The following ITPR1 variants were observed in gnomAD, a reference collection of about 807,000 sequenced individuals.
ITPR1 encodes the protein inositol 1,4,5-trisphosphate receptor type 1.
A neutral mutation model predicts 318.4 loss-of-function variants in ITPR1; 96 were observed. That is an observed-to-expected ratio of 0.30 (90% CI 0.26 to 0.36). The LOEUF (loss-of-function observed/expected upper bound fraction) is 0.36, where lower values mean the gene tolerates loss of function less well. Among genes scored for constraint, ITPR1 ranks in the 10% least tolerant of loss-of-function variants. The probability of loss-of-function intolerance (pLI) is 1.00; values close to 1 mark genes in which losing one functional copy is unlikely to be tolerated. For synonymous variants in ITPR1, 1,312 were observed against 1,289.9 expected (o/e 1.02, Z -0.37); for missense variants, 2,440 against 3,460.2 (o/e 0.71, Z 7.40).
At chr3:4,808,559 T>C (rs927615928) in intron 55 of ITPR1, among the ~76,000 whole-genome samples, 3 of 152,248 alleles carry the variant, frequency 2.0e-5, no homozygotes, top group African/African-American at 7.2e-5. Flanking sequence ...CTGCCTCTCC[T>C]GTGCTTTGCG....
intron 44 of ITPR1, among the ~76,000 whole-genome samples, chr3:4,743,320 AATTCAAAAGTCGTTAC>A (rs1034026144): frequency 1.3e-5 from 2 of 152,222 alleles, no homozygotes; most frequent in Non-Finnish European, 2.9e-5. Context: ...GGAAGCTCAA[AATTCAAAAGTCGTTAC>A]ATTCTTAGGC....
At chr3:4,793,264 C>T (rs1423454649) in intron 52 of ITPR1, among the ~76,000 whole-genome samples, 1 of 152,212 alleles carries the variant, frequency 6.6e-6, no homozygotes, top group Non-Finnish European at 1.5e-5. Context: ...ATTAGCGTAT[C>T]CTGCAGTACA....
chr3:4,635,418 G>A (rs1308118202), intron 5 of ITPR1, among the ~76,000 whole-genome samples: 1 of 152,120 alleles, frequency 6.6e-6, no homozygotes, highest in Non-Finnish European at 1.5e-5. Context: ...TCGGCTCACT[G>A]CAAGCTCCAC....
At chr3:4,580,755 C>T (rs928724510) in intron 4 of ITPR1, among the ~76,000 whole-genome samples, 1 of 152,214 alleles carries the variant, frequency 6.6e-6, no homozygotes, top group African/African-American at 2.4e-5. Context: ...AGAGGCTGTA[C>T]TGAGCATGCC....
rs1163810258 is a variant in ITPR1, at chr3:4,630,494, T to C, written c.279+2616T>C. 2.6e-5 allele frequency among the ~76,000 whole-genome samples: 4 copies of C among 151,414 alleles called. No individual in the cohort carries two copies. In the East Asian group the frequency reaches 7.8e-4, roughly 29 times the overall value. Reference sequence around the variant, plus strand: ...TCTCTGTTCAAATGCCCATAATCTATTCCTGCAATACACTTTTTCTTATAT... The same window carrying C: ...TCTCTGTTCAAATGCCCATAATCTACTCCTGCAATACACTTTTTCTTATAT... On this transcript the variant is annotated intron_variant, in intron 5 of 61. Transcript: ENST00000649015.
chr3:4,652,287 G>A (rs1042025075), intron 11 of ITPR1, 69 bp downstream of exon 11: 47 of 1,094,358 alleles, frequency 4.3e-5, no homozygotes, highest in Non-Finnish European at 5.9e-5. Flanking sequence ...TCATTCGCCT[G>A]TAGCCGTCGT....
At chr3:4,795,003 G>T in intron 52 of ITPR1, 62 bp from the exon 53 acceptor site, 2 of 1,511,142 alleles carry the variant, frequency 1.3e-6, no homozygotes, top group Middle Eastern at 2.2e-4. Context: ...GGGCCACATT[G>T]CATTCCTGGC....
At chr3:4,667,590 C>A (rs1298230172) in intron 18 of ITPR1, 41 bp downstream of exon 18, 2 of 1,558,792 alleles carry the variant, frequency 1.3e-6, no homozygotes, top group Non-Finnish European at 1.7e-6. Flanking sequence ...GTGTCTCTGC[C>A]TGTAAGATGC....
chr3:4,815,291 G>C, intron 59 of ITPR1, 73 bp downstream of exon 59: 1 of 1,481,402 alleles, frequency 6.8e-7, no homozygotes, highest in Non-Finnish European at 9.3e-7. Flanking sequence ...TACTGCGAGG[G>C]TGTGATGGGC....
chr3:4,822,525 T>C (rs1273938179), intron 60 of ITPR1, among the ~76,000 whole-genome samples: 1 of 152,236 alleles, frequency 6.6e-6, no homozygotes, highest in Non-Finnish European at 1.5e-5. Flanking sequence ...TCACAGATAC[T>C]TGTGAGTTCT....
At position 4,642,077 on chromosome 3, in the gene ITPR1, C is replaced by A; in HGVS notation, c.367-16C>A. The A allele has an allele frequency of 6.4e-7, 1 of 1,565,806 alleles. No individual in the cohort carries two copies. The highest frequency in any genetic ancestry group is 8.6e-7 in the Non-Finnish European group (1 of 1,157,028). On this transcript the variant is annotated splice_polypyrimidine_tract_variant and intron_variant, in intron 6 of 61. Coordinates refer to ENST00000649015, the MANE Select transcript of ITPR1 (RefSeq NM_001378452.1). ...GATTTGCTGACACTCACTTTATTCT[C>A]TTGGTGGGTTTTTAGCTCCTGCATT...
chr3:4,538,506 G>C (rs1182686044), intron 4 of ITPR1, among the ~76,000 whole-genome samples: 2 of 152,154 alleles, frequency 1.3e-5, no homozygotes, highest in East Asian at 3.8e-4. Context: ...CAAAGACCTA[G>C]AATCAGAAAT....
intron 39 of ITPR1, among the ~76,000 whole-genome samples, chr3:4,715,797 G>A (rs1445998118): frequency 6.6e-6 from 1 of 152,180 alleles, no homozygotes; most frequent in Non-Finnish European, 1.5e-5. Flanking sequence ...AGGTTGTAGT[G>A]AGCCAAGATT....
At chr3:4,600,792 C>G (rs2091212600) in intron 4 of ITPR1, among the ~76,000 whole-genome samples, 2 of 152,142 alleles carry the variant, frequency 1.3e-5, no homozygotes, top group Non-Finnish European at 1.5e-5. Flanking sequence ...CTCCCCACCC[C>G]CAACAAGGGC....
intron 16 of ITPR1, among the ~76,000 whole-genome samples, chr3:4,664,471 A>G (rs1319603586): frequency 6.6e-6 from 1 of 152,240 alleles, no homozygotes; most frequent in Non-Finnish European, 1.5e-5. Flanking sequence ...CCATGGAACA[A>G]GGGATTTGAG....
intron 26 of ITPR1, among the ~76,000 whole-genome samples, chr3:4,682,203 G>A (rs1406340042): frequency 1.3e-5 from 2 of 152,206 alleles, no homozygotes; most frequent in African/African-American, 4.8e-5. Flanking sequence ...TGGTAACTGG[G>A]GCTGGCACCT....
chr3:4,829,811 T>C (rs2106527778), intron 60 of ITPR1, among the ~76,000 whole-genome samples: 1 of 152,248 alleles, frequency 6.6e-6, no homozygotes, highest in South Asian at 2.1e-4. Context: ...TCACACAGAA[T>C]AGTTTCTGCT....
intron 20 of ITPR1, among the ~76,000 whole-genome samples, chr3:4,672,186 G>A (rs998874083): frequency 6.6e-6 from 1 of 152,180 alleles, no homozygotes; most frequent in Non-Finnish European, 1.5e-5. Flanking sequence ...TGGGAGGTGG[G>A]CTTGGAGGAT....
chr3:4,555,227 TGCTTTAAGGTG>T (rs1353068897), intron 4 of ITPR1, among the ~76,000 whole-genome samples: 1 of 152,186 alleles, frequency 6.6e-6, no homozygotes, highest in East Asian at 1.9e-4. Context: ...CTGCCTCTCC[TGCTTTAAGGTG>T]AGGAAACTAC....
Sources: gnomAD v4.1 joint callset for allele counts (sites outside exome capture counted in the v4.1 genomes callset) on GRCh38, gnomAD v4.1.1 for gene constraint, MANE v1.5 for transcripts, NCBI Gene and HGNC (gene_info 2026-07-23, HGNC 2026-07-21) for gene names.